Variants in NDRG1 observed in about 807,000 individuals in gnomAD.
NDRG1 encodes N-myc downstream regulated 1, also known as protein NDRG1.
Under a neutral mutation model 56.9 loss-of-function variants are expected in NDRG1, and 32 were observed. The ratio of observed to expected loss-of-function variants is 0.56; its 90% CI spans 0.42 to 0.76. The LOEUF (loss-of-function observed/expected upper bound fraction) is 0.76, where lower values mean the gene tolerates loss of function less well. Ranked by LOEUF, NDRG1 falls within the 30% of genes least tolerant of loss-of-function variation. The probability of loss-of-function intolerance (pLI) is 0.00; values close to 1 mark genes in which losing one functional copy is unlikely to be tolerated. For missense variants in NDRG1, 507 were observed against 545.7 expected (o/e 0.93, Z 0.71); for synonymous variants, 211 against 204.1 (o/e 1.03, Z -0.29).
intron 1 of NDRG1, among the ~76,000 whole-genome samples, chr8:133,295,819 A>C (rs74971661): frequency 0.024 from 3,718 of 152,258 alleles, 67 homozygotes; most frequent in African/African-American, 0.043. Flanking sequence ...ACTTCTGAAT[A>C]TTAGATATTT....
At chr8:133,289,673 C>A (rs1443311387) in intron 1 of NDRG1, among the ~76,000 whole-genome samples, 1 of 152,150 alleles carries the variant, frequency 6.6e-6, no homozygotes, top group Non-Finnish European at 1.5e-5. Flanking sequence ...AAGAACGTGA[C>A]CCGTGACCCT....
intron 3 of NDRG1, among the ~76,000 whole-genome samples, chr8:133,268,137 T>A (rs1032282764): frequency 6.6e-6 from 1 of 152,154 alleles, no homozygotes; most frequent in Middle Eastern, 3.2e-3. Context: ...GGCCTCTGCA[T>A]AGCTGCCTGC....
chr8:133,249,548 C>T (rs1855894593), intron 10 of NDRG1: 1 of 152,358 alleles, frequency 6.6e-6, no homozygotes, highest in South Asian at 2.1e-4. Flanking sequence ...AATTACGGTG[C>T]TATCTACACG....
Position 133,242,140 on chromosome 8 carries a change from G to A in NDRG1, c.892-66C>T, listed in dbSNP as rs536060768. ...GAGCCAGATCACCCGAGGCCATGGG[G>A]GGCTGTGCCTGTGGTCACCTTCATT... On this transcript the variant is annotated intron_variant, in intron 14 of 15. Coordinates refer to ENST00000323851, the MANE Select transcript of NDRG1 (RefSeq NM_006096.4). The A allele has an allele frequency of 1.5e-5, 23 of 1,544,822 alleles. No individual in the cohort carries two copies. In the South Asian group the frequency reaches 2.1e-4, roughly 14 times the overall value.
intron 4 of NDRG1, 117 bp downstream of exon 4, chr8:133,264,430 G>A (rs1258770247): frequency 6.8e-6 from 6 of 884,084 alleles, no homozygotes; most frequent in Non-Finnish European, 1.1e-5. Context: ...AACAGCCCCA[G>A]GAAGTCCCAG....
chr8:133,292,969 G>A (rs865827923), intron 1 of NDRG1, among the ~76,000 whole-genome samples: 1 of 152,334 alleles, frequency 6.6e-6, no homozygotes, highest in Middle Eastern at 3.4e-3. Flanking sequence ...AACAATGTTA[G>A]GTGGGAAAGT....
intron 14 of NDRG1, among the ~76,000 whole-genome samples, chr8:133,243,942 G>GCA (rs962460613): frequency 6.6e-6 from 1 of 151,872 alleles, no homozygotes; most frequent in South Asian, 2.1e-4. Context: ...GTGTACACAT[G>GCA]CACACACACA....
rs1463366087 is a variant in NDRG1 at position 133,269,393 on chromosome 8, G to T, written c.100-4741C>A. On this transcript the variant is annotated intron_variant, in intron 3 of 15. Coordinates refer to ENST00000323851, the MANE Select transcript of NDRG1 (RefSeq NM_006096.4). ...CACACACTTTCCTCTCACCTGCTCT[G>T]GAAGAGTCTAGAAAGCTGCTCTTTC... Among the ~76,000 whole-genome samples the T allele has an allele frequency of 5.3e-5, 8 of 152,344 alleles. No homozygotes were observed. The South Asian group carries it at 1.7e-3, about 32-fold the overall frequency.
chr8:133,247,767 G>C, intron 12 of NDRG1, 108 bp downstream of exon 12: 1 of 1,188,064 alleles, frequency 8.4e-7, no homozygotes, highest in Non-Finnish European at 1.3e-6. Flanking sequence ...AACATCACCT[G>C]CCCTGATGGG....
At chr8:133,292,145 T>C (rs1034903216) in intron 1 of NDRG1, among the ~76,000 whole-genome samples, 23 of 152,234 alleles carry the variant, frequency 1.5e-4, no homozygotes, top group African/African-American at 5.3e-4. Context: ...TAGAGGATTA[T>C]TTTGTGAAAT....
intron 13 of NDRG1, 86 bp downstream of exon 13, chr8:133,246,530 T>G: frequency 7.1e-7 from 1 of 1,411,648 alleles, no homozygotes; most frequent in Non-Finnish European, 1.0e-6. Context: ...GTGCCTTGCC[T>G]TTTTCAAGCC....
At chr8:133,245,578 C>T (rs972471462) in intron 13 of NDRG1, among the ~76,000 whole-genome samples, 1 of 152,052 alleles carries the variant, frequency 6.6e-6, no homozygotes, top group African/African-American at 2.4e-5. Flanking sequence ...CTAAGGTGAA[C>T]CAAGTGTGGC....
intron 3 of NDRG1, among the ~76,000 whole-genome samples, chr8:133,276,632 C>T (rs2130777611): frequency 6.6e-6 from 1 of 152,314 alleles, no homozygotes; most frequent in African/African-American, 2.4e-5. Flanking sequence ...AACGGCAGTT[C>T]CCCTGCACAC....
Position 133,239,012 on chromosome 8 carries a change from G to A in NDRG1, c.1051C>T (p.Arg351Ter), listed in dbSNP as rs765621411. ...CCCTCGCTGGTGTGGGAGCGGCTTC[G>A]GGTGCCCTCGCTGGTGTGGGAGCGG... ...RSRSHTSEGT[R>*]SRSHTSEGTR... Residue 351 changes from arginine (R) to a stop codon, truncating the protein, a stop_gained, in exon 16 of 16, where the codon CGA (arginine) becomes TGA (stop). Transcript: ENST00000323851. LOFTEE classifies it high-confidence loss of function. 74 of 1,598,292 alleles carry A rather than the reference G, an allele frequency of 4.6e-5. 1 individual carries two copies. The highest frequency in any genetic ancestry group is 5.7e-5 in the South Asian group (5 of 88,190).
intron 8 of NDRG1, 131 bp from the exon 9 acceptor site, chr8:133,254,726 T>C (rs984320646): frequency 4.6e-5 from 41 of 887,412 alleles, no homozygotes; most frequent in Middle Eastern, 2.3e-4. Flanking sequence ...CTCAAGGACA[T>C]CCCCCTTGAT....
intron 11 of NDRG1, among the ~76,000 whole-genome samples, chr8:133,248,323 C>T (rs1169576968): frequency 6.6e-6 from 1 of 152,168 alleles, no homozygotes; most frequent in African/African-American, 2.4e-5. Context: ...CTGGTGGAAA[C>T]CCAGTTAGTT....
chr8:133,262,100 G>T lies in NDRG1; in HGVS notation c.273C>A (p.Val91=). The change falls in exon 5 of 16, where the codon GTC becomes GTA. Residue 91 remains valine, a synonymous_variant. Transcript: ENST00000323851. ...GCTGGCCAGGGGCGTCCACGTGGCA[G>T]ACGGCAAAGTGCTGGGTGATCTCCT... ...DMQEITQHFA[V]CHVDAPGQQD... 1.9e-6 allele frequency: 3 copies of T among 1,614,176 alleles called. No individual in the cohort carries two copies. Among genetic ancestry groups the T allele is most frequent in the Non-Finnish European group, 2.5e-6 (3 of 1,180,020 alleles).
At chr8:133,259,343 A>G (rs1563624902) in intron 5 of NDRG1, 113 bp from the exon 6 acceptor site, 3 of 996,278 alleles carry the variant, frequency 3.0e-6, no homozygotes, top group African/African-American at 1.6e-5. Flanking sequence ...ATGCACCCAG[A>G]CCCCCCCACC....
intron 8 of NDRG1, 95 bp from the exon 9 acceptor site, chr8:133,254,690 T>C: frequency 8.1e-7 from 1 of 1,239,262 alleles, no homozygotes; most frequent in Non-Finnish European, 1.2e-6. Flanking sequence ...AGGGTGGCAT[T>C]GCTGGACTCC....
Sources: gnomAD v4.1 joint callset for allele counts (sites outside exome capture counted in the v4.1 genomes callset) on GRCh38, gnomAD v4.1.1 for gene constraint, MANE v1.5 for transcripts, NCBI Gene and HGNC (gene_info 2026-07-23, HGNC 2026-07-21) for gene names.